The following TRHDE variants were observed in gnomAD, a reference collection of about 807,000 sequenced individuals.
The protein encoded by TRHDE is thyrotropin-releasing hormone-degrading ectoenzyme.
In TRHDE, 72 loss-of-function variants were observed where a neutral mutation model predicts 125.7. The observed-to-expected ratio is 0.57, with a 90% CI of 0.47 to 0.70. The LOEUF is 0.70. Among genes scored for constraint, TRHDE ranks in the 30% least tolerant of loss-of-function variants. The pLI is 0.00. For synonymous variants in TRHDE, 509 were observed against 509.1 expected (o/e 1.00, Z 0.00); for missense variants, 1,110 against 1,327.1 (o/e 0.84, Z 2.54).
chr12:72,187,515 A>T (rs1264813806), intron 2 of TRHDE, among the ~76,000 whole-genome samples: 2 of 139,906 alleles, frequency 1.4e-5, no homozygotes, highest in South Asian at 2.6e-4. Context: ...GTGGAGGAGG[A>T]GGAGGAGGAG....
chr12:72,460,071 A>G (rs1319286317), intron 3 of TRHDE, among the ~76,000 whole-genome samples: 1 of 152,192 alleles, frequency 6.6e-6, no homozygotes, highest in East Asian at 1.9e-4. Flanking sequence ...GATAGTATGT[A>G]TGCCTTTTGC....
chr12:72,269,877 C>A (rs969619844), upstream of TRHDE, among the ~76,000 whole-genome samples: 5 of 152,118 alleles, frequency 3.3e-5, no homozygotes, highest in African/African-American at 1.2e-4. Context: ...CTTTTCTTGA[C>A]TAATGTTTTA....
intron 3 of TRHDE, among the ~76,000 whole-genome samples, chr12:72,454,182 ATTTG>A (rs1875723503): frequency 6.7e-6 from 1 of 149,840 alleles, no homozygotes; most frequent in Non-Finnish European, 1.5e-5. Flanking sequence ...TTGTTGATAA[ATTTG>A]TTTTTTTTTA....
At chr12:72,299,606 G>T (rs1254425260) in intron 2 of TRHDE, among the ~76,000 whole-genome samples, 1 of 152,160 alleles carries the variant, frequency 6.6e-6, no homozygotes, top group Non-Finnish European at 1.5e-5. Flanking sequence ...TCATAATTAA[G>T]ATCAAAGAGA....
At chr12:72,194,309 T>C (rs1877396019) in intron 2 of TRHDE, among the ~76,000 whole-genome samples, 2 of 152,156 alleles carry the variant, frequency 1.3e-5, no homozygotes, top group African/African-American at 4.8e-5. Flanking sequence ...TGTCACTACC[T>C]TAGTCTACAT....
At chr12:72,579,253 A>G (rs1871136818) in intron 12 of TRHDE, among the ~76,000 whole-genome samples, 2 of 151,896 alleles carry the variant, frequency 1.3e-5, no homozygotes, top group African/African-American at 4.8e-5. Context: ...GAGCGGGCCC[A>G]ATTTCCTCAA....
chr12:72,231,902 G>A (rs751625846), intron 2 of TRHDE, among the ~76,000 whole-genome samples: 11 of 152,168 alleles, frequency 7.2e-5, no homozygotes, highest in African/African-American at 1.9e-4. Context: ...GCTAATTAAC[G>A]TGCCTTTTAG....
At chr12:72,376,137 A>C (rs1312240574) in intron 2 of TRHDE, among the ~76,000 whole-genome samples, 1 of 152,146 alleles carries the variant, frequency 6.6e-6, no homozygotes, top group Admixed American at 6.5e-5. Context: ...ATGGAAGTCT[A>C]GTTCTCTTGC....
chr12:72,332,693 T>G (rs1869659840), intron 2 of TRHDE, among the ~76,000 whole-genome samples: 1 of 152,192 alleles, frequency 6.6e-6, no homozygotes, highest in South Asian at 2.1e-4. Flanking sequence ...TTCTACATAC[T>G]AGGTACTGAG....
intron 2 of TRHDE, among the ~76,000 whole-genome samples, chr12:72,119,964 AT>A (rs1217855399): frequency 6.6e-6 from 1 of 151,546 alleles, no homozygotes; most frequent in Non-Finnish European, 1.5e-5. Flanking sequence ...TGGGCCTTTT[AT>A]TTTATTCATT....
intron 3 of TRHDE, among the ~76,000 whole-genome samples, chr12:72,401,737 T>C (rs892762425): frequency 1.3e-5 from 2 of 152,198 alleles, no homozygotes; most frequent in Admixed American, 1.3e-4. Flanking sequence ...ATAATAGAAA[T>C]AGATGAGCAA....
At chr12:72,367,505 T>C (rs1276623980) in intron 2 of TRHDE, among the ~76,000 whole-genome samples, 1 of 152,132 alleles carries the variant, frequency 6.6e-6, no homozygotes, top group Admixed American at 6.6e-5. Context: ...CTGTTTCTTC[T>C]AGACTTTCAT....
intron 8 of TRHDE, among the ~76,000 whole-genome samples, chr12:72,562,461 C>G (rs1013448272): frequency 1.5e-4 from 22 of 151,582 alleles, no homozygotes; most frequent in African/African-American, 5.3e-4. Context: ...CATGACAATA[C>G]TTCTGAAATA....
At chr12:72,487,222 G>A (rs374063379) in intron 5 of TRHDE, among the ~76,000 whole-genome samples, 1 of 152,032 alleles carries the variant, frequency 6.6e-6, no homozygotes, top group Non-Finnish European at 1.5e-5. Flanking sequence ...GAAAGAGAAG[G>A]CTTATTTAAT....
intron 5 of TRHDE, among the ~76,000 whole-genome samples, chr12:72,487,085 G>T (rs1877447527): frequency 6.6e-6 from 1 of 151,964 alleles, no homozygotes; most frequent in Non-Finnish European, 1.5e-5. Flanking sequence ...TAGGTCTTTT[G>T]AAATGATTGT....
chr12:72,580,537 G>A (rs1871177818), intron 12 of TRHDE, among the ~76,000 whole-genome samples: 1 of 152,200 alleles, frequency 6.6e-6, no homozygotes, highest in Non-Finnish European at 1.5e-5. Flanking sequence ...TGCCTCCTGG[G>A]TTGAAGTGAT....
chr12:72,488,949 C>G (rs911400465), intron 5 of TRHDE, among the ~76,000 whole-genome samples: 1 of 151,804 alleles, frequency 6.6e-6, no homozygotes, highest in East Asian at 1.9e-4. Context: ...TATACTGAGA[C>G]AAATGACAAT....
rs76154786 is a variant in TRHDE, at chr12:72,330,003, T to C, written c.1188+43049T>C. On this transcript the variant is annotated intron_variant, in intron 2 of 18. Coordinates refer to ENST00000261180, the MANE Select transcript of TRHDE (RefSeq NM_013381.3). ...TTGATCCGCTGTCAGTGCAGTGGAA[T>C]GAAAATGAAATCAGTGTAGGCAGTG... 2.8e-4 allele frequency among the ~76,000 whole-genome samples: 42 copies of C among 152,264 alleles called. No individual in the cohort carries two copies. The East Asian group carries it at 7.3e-3, about 27-fold the overall frequency.
intron 3 of TRHDE, among the ~76,000 whole-genome samples, chr12:72,378,476 A>G (rs1438257006): frequency 6.6e-6 from 1 of 152,184 alleles, no homozygotes; most frequent in African/African-American, 2.4e-5. Flanking sequence ...TTTTCCACAT[A>G]AGGGAGTTGA....
Sources: allele counts gnomAD v4.1 joint callset (sites outside exome capture counted in the v4.1 genomes callset), GRCh38; gene constraint gnomAD v4.1.1; transcripts MANE v1.5; gene names NCBI Gene and HGNC (gene_info 2026-07-23, HGNC 2026-07-21).